SND1: variants seen among roughly 807,000 people sequenced by gnomAD.
The protein encoded by SND1 is staphylococcal nuclease and tudor domain containing 1, also known as staphylococcal nuclease domain-containing protein 1.
Under a neutral mutation model 121.7 loss-of-function variants are expected in SND1, and 38 were observed. The ratio of observed to expected loss-of-function variants is 0.31; its 90% CI spans 0.24 to 0.41. The LOEUF (loss-of-function observed/expected upper bound fraction) is 0.41. Among genes scored for constraint, SND1 ranks in the 10% least tolerant of loss-of-function variants. SND1 has a pLI of 1.00. For missense variants in SND1, 868 were observed against 1,184.6 expected (o/e 0.73, Z 3.92); for synonymous variants, 401 against 447.4 (o/e 0.90, Z 1.31).
At chr7:127,760,201 A>G (rs1417262722) in intron 10 of SND1, among the ~76,000 whole-genome samples, 4 of 152,200 alleles carry the variant, frequency 2.6e-5, no homozygotes, top group Non-Finnish European at 4.4e-5. Context: ...TCATTCATTA[A>G]TCATTAATCT....
At chr7:128,044,388 C>T (rs1384012904) in intron 16 of SND1, among the ~76,000 whole-genome samples, 3 of 152,170 alleles carry the variant, frequency 2.0e-5, no homozygotes, top group African/African-American at 7.2e-5. Flanking sequence ...TGCCTGATTT[C>T]CAGAGACCTT....
At chr7:128,038,860 C>T (rs914706685) in intron 16 of SND1, among the ~76,000 whole-genome samples, 6 of 151,998 alleles carry the variant, frequency 3.9e-5, no homozygotes, top group African/African-American at 1.2e-4. Context: ...TTACACTTGC[C>T]CTCTACAGTC....
At chr7:127,701,882 C>T (rs1796111163) in intron 5 of SND1, among the ~76,000 whole-genome samples, 1 of 152,166 alleles carries the variant, frequency 6.6e-6, no homozygotes, top group African/African-American at 2.4e-5. Flanking sequence ...TCTGTGTGGA[C>T]TCAACATAAT....
Position 127,807,737 on chromosome 7 carries a change from C to T in SND1, c.1242+164C>T, listed in dbSNP as rs57366271. On this transcript the variant is annotated intron_variant, in intron 11 of 23. Transcript: ENST00000354725. Reference sequence around the variant, plus strand: ...GAGAGGCGTGTTTATGTGTCAGAAACGGTACCCGATGGGAGAGGTTTAAAA... The same window carrying T: ...GAGAGGCGTGTTTATGTGTCAGAAATGGTACCCGATGGGAGAGGTTTAAAA... 1.9e-3 allele frequency among the ~76,000 whole-genome samples: 290 copies of T among 152,214 alleles called. 1 individual carries two copies. Among genetic ancestry groups the T allele is most frequent in the African/African-American group, 5.9e-3 (243 of 41,510 alleles).
At chr7:127,729,963 T>G (rs1441119771) in intron 10 of SND1, among the ~76,000 whole-genome samples, 1 of 152,154 alleles carries the variant, frequency 6.6e-6, no homozygotes, top group African/African-American at 2.4e-5. Flanking sequence ...GGACAGCTCT[T>G]TATTTATTTA....
At chr7:128,018,290 C>T (rs1803271635) in intron 16 of SND1, among the ~76,000 whole-genome samples, 1 of 152,238 alleles carries the variant, frequency 6.6e-6, no homozygotes, top group Non-Finnish European at 1.5e-5. Flanking sequence ...TTGACTCTGC[C>T]TTGCTGTGGC....
chr7:127,920,950 A>G lies in SND1; in HGVS notation c.1528-8238A>G, dbSNP rs981205463. Among the ~76,000 whole-genome samples, 7 of 152,190 alleles carry G rather than the reference A, an allele frequency of 4.6e-5. No individual in the cohort carries two copies. In the East Asian group the frequency reaches 9.6e-4, roughly 21 times the overall value. Reference sequence around the variant, plus strand: ...TGCAGATTTTTACCACTAAAAGGCAATGACTTCATTTCTAAAGGTTAAATT... The same window carrying G: ...TGCAGATTTTTACCACTAAAAGGCAGTGACTTCATTTCTAAAGGTTAAATT... On this transcript the variant is annotated intron_variant, in intron 14 of 23. Coordinates refer to ENST00000354725, the MANE Select transcript of SND1 (RefSeq NM_014390.4).
intron 16 of SND1, among the ~76,000 whole-genome samples, chr7:128,057,945 A>G (rs1297189648): frequency 6.6e-6 from 1 of 152,180 alleles, no homozygotes; most frequent in Admixed American, 6.5e-5. Flanking sequence ...ACAAATCCAC[A>G]TTTCCCTGCA....
At chr7:127,724,717 T>C (rs1796553038) in intron 10 of SND1, among the ~76,000 whole-genome samples, 1 of 152,236 alleles carries the variant, frequency 6.6e-6, no homozygotes, top group South Asian at 2.1e-4. Context: ...GTTTCGGTTG[T>C]TTGAATTTAC....
chr7:127,779,331 G>A (rs1439709025), intron 10 of SND1, among the ~76,000 whole-genome samples: 2 of 152,162 alleles, frequency 1.3e-5, no homozygotes, highest in Non-Finnish European at 2.9e-5. Context: ...CTTGACTGCT[G>A]TAACAGCCAG....
chr7:128,071,940 G>A (rs151013688), intron 16 of SND1, among the ~76,000 whole-genome samples: 2,034 of 152,302 alleles, frequency 0.013, 21 homozygotes, highest in Non-Finnish European at 0.019. Context: ...TCAAGCCCAA[G>A]TTAGCATATC....
intron 15 of SND1, among the ~76,000 whole-genome samples, chr7:127,953,949 C>G (rs1801531010): frequency 6.6e-6 from 1 of 152,150 alleles, no homozygotes; most frequent in African/African-American, 2.4e-5. Context: ...CAGTTGATTA[C>G]TGTAAGGCAG....
rs567000351 is a variant in SND1 at position 127,751,894 on chromosome 7, C to T, written c.1152+30494C>T. The stretch of plus-strand genomic sequence containing the variant: ...AGCTCTTAGTGAGGATGAGGCACGA[C>T]GCTTCCCCAGCTGACTGCTCGCGGG... On this transcript the variant is annotated intron_variant, in intron 10 of 23. Coordinates refer to ENST00000354725, the MANE Select transcript of SND1 (RefSeq NM_014390.4). Among the ~76,000 whole-genome samples the T allele has an allele frequency of 4.6e-5, 7 of 152,360 alleles. No individual in the cohort carries two copies. The South Asian group carries it at 1.4e-3, about 32-fold the overall frequency.
rs192769702 is a variant in SND1 at position 128,053,336 on chromosome 7, A to G, written c.1780-21166A>G. ...CCTCTCTAGCCTCAGCCACTCCAGC[A>G]CTTCCATTTCCCAAGGCTTTGGGCA... On this transcript the variant is annotated intron_variant, in intron 16 of 23. Coordinates refer to ENST00000354725, the MANE Select transcript of SND1 (RefSeq NM_014390.4). Among the ~76,000 whole-genome samples, 9 of 152,294 alleles carry G rather than the reference A, an allele frequency of 5.9e-5. 1 individual carries two copies. The East Asian group carries it at 1.4e-3, about 23-fold the overall frequency.
chr7:127,818,144 C>T (rs891800576), intron 11 of SND1, among the ~76,000 whole-genome samples: 1 of 152,144 alleles, frequency 6.6e-6, no homozygotes, highest in African/African-American at 2.4e-5. Flanking sequence ...TTCAGGGAGA[C>T]TTTAGGTATA....
At chr7:127,859,992 T>G (rs879868317) in intron 12 of SND1, among the ~76,000 whole-genome samples, 2 of 152,184 alleles carry the variant, frequency 1.3e-5, no homozygotes, top group Non-Finnish European at 2.9e-5. Flanking sequence ...TGTTAATTTC[T>G]TCAATACCAT....
intron 16 of SND1, among the ~76,000 whole-genome samples, chr7:128,069,119 A>G (rs1409199699): frequency 6.6e-6 from 1 of 152,174 alleles, no homozygotes; most frequent in Non-Finnish European, 1.5e-5. Context: ...ACTTGAGCTC[A>G]TCCTATCAAC....
intron 15 of SND1, among the ~76,000 whole-genome samples, chr7:127,976,625 A>G (rs1802126944): frequency 6.6e-6 from 1 of 152,238 alleles, no homozygotes; most frequent in Non-Finnish European, 1.5e-5. Context: ...AAAGTAAAGG[A>G]TGCAGAAGTC....
intron 8 of SND1, among the ~76,000 whole-genome samples, chr7:127,706,026 G>A (rs990167027): frequency 6.6e-6 from 1 of 152,096 alleles, no homozygotes; most frequent in African/African-American, 2.4e-5. Flanking sequence ...CATCTGACAT[G>A]TGTATTGTCT....
Sources: gnomAD v4.1 joint callset for allele counts (sites outside exome capture counted in the v4.1 genomes callset) on GRCh38, gnomAD v4.1.1 for gene constraint, MANE v1.5 for transcripts, NCBI Gene and HGNC (gene_info 2026-07-23, HGNC 2026-07-21) for gene names.